The following LRRC4C variants were observed in gnomAD, a reference collection of about 807,000 sequenced individuals.
The protein encoded by LRRC4C is leucine rich repeat containing 4C, also known as leucine-rich repeat-containing protein 4C.
Under a neutral mutation model 33.6 loss-of-function variants are expected in LRRC4C, and 5 were observed. The ratio of observed to expected loss-of-function variants is 0.15; its 90% CI spans 0.08 to 0.31. The LOEUF (loss-of-function observed/expected upper bound fraction) is 0.31, where lower values mean the gene tolerates loss of function less well. Ranked by LOEUF, LRRC4C falls within the 10% of genes least tolerant of loss-of-function variation. The pLI is 1.00. For synonymous variants in LRRC4C, 329 were observed against 302.0 expected, an observed-to-expected ratio of 1.09 and a Z score of -0.93; for missense variants, 560 against 796.7, an observed-to-expected ratio of 0.70 and a Z score of 3.58.
intron 1 of LRRC4C, among the ~76,000 whole-genome samples, chr11:41,408,829 C>A (rs982127931): frequency 7.9e-5 from 12 of 151,158 alleles, no homozygotes; most frequent in African/African-American, 2.9e-4. Flanking sequence ...AGTGAAAGAG[C>A]CAAGATTCCA....
At chr11:40,302,531 T>C (rs1944823761) in intron 4 of LRRC4C, among the ~76,000 whole-genome samples, 1 of 152,168 alleles carries the variant, frequency 6.6e-6, no homozygotes, top group African/African-American at 2.4e-5. Context: ...CCTTCTTTTC[T>C]GTCTTTTTTT....
intron 2 of LRRC4C, among the ~76,000 whole-genome samples, chr11:40,681,160 T>G (rs554408012): frequency 8.5e-5 from 13 of 152,132 alleles, no homozygotes; most frequent in Non-Finnish European, 1.0e-4. Flanking sequence ...AGAGGTAATA[T>G]AAACATTTAA....
At chr11:40,178,548 C>T (rs1047512787) in intron 5 of LRRC4C, among the ~76,000 whole-genome samples, 2 of 152,224 alleles carry the variant, frequency 1.3e-5, no homozygotes, top group African/African-American at 4.8e-5. Flanking sequence ...TTATGGCCTT[C>T]TGAAATATCA....
intron 2 of LRRC4C, among the ~76,000 whole-genome samples, chr11:40,817,937 C>T (rs939372413): frequency 4.6e-5 from 7 of 152,060 alleles, no homozygotes; most frequent in Non-Finnish European, 1.0e-4. Context: ...TAAATCATGT[C>T]AGCAATTCAC....
At chr11:40,184,384 CTT>C (rs1861245655) in intron 5 of LRRC4C, among the ~76,000 whole-genome samples, 1 of 152,086 alleles carries the variant, frequency 6.6e-6, no homozygotes, top group South Asian at 2.1e-4. Context: ...CAAATTGTCT[CTT>C]TTGAGCGGAT....
chr11:40,554,152 G>C (rs890850660), intron 3 of LRRC4C, among the ~76,000 whole-genome samples: 11 of 152,070 alleles, frequency 7.2e-5, no homozygotes, highest in Non-Finnish European at 1.5e-4. Context: ...TCAATCTTTT[G>C]CATATGGTTA....
chr11:40,371,920 G>A (rs1333863717), intron 3 of LRRC4C, among the ~76,000 whole-genome samples: 1 of 152,172 alleles, frequency 6.6e-6, no homozygotes, highest in Non-Finnish European at 1.5e-5. Flanking sequence ...TAGGTAGATA[G>A]GGCAGGAGCG....
chr11:40,255,256 A>G lies in LRRC4C; in HGVS notation c.-175-13658T>C, dbSNP rs148273095. Among the ~76,000 whole-genome samples, 145 of 152,232 alleles carry G rather than the reference A, an allele frequency of 9.5e-4. 1 individual carries two copies. Among genetic ancestry groups the G allele is most frequent in the East Asian group, 2.1e-3 (11 of 5,156 alleles). On this transcript the variant is annotated intron_variant, in intron 4 of 6. Transcript: ENST00000528697. ...TGACACCTGAGCCCAACCCCGACGC[A>G]GTCTGGGATGTGCCACAAAGCCACC... is the stretch of plus-strand genomic sequence containing the variant.
rs1019270992 is a variant in LRRC4C, at chr11:41,051,158, T to C, written c.-495-117435A>G. Among the ~76,000 whole-genome samples the C allele has an allele frequency of 2.0e-5, 3 of 152,180 alleles. No homozygotes were observed. In the South Asian group the frequency reaches 6.2e-4, roughly 32 times the overall value. On this transcript the variant is annotated intron_variant, in intron 1 of 6. Coordinates refer to ENST00000528697, the MANE Select transcript of LRRC4C (RefSeq NM_001258419.2). ...GGTTTCACAAGTTTGTAAATATCTA[T>C]GTTCTTAATTCCAAAAGCTCTCTGC... is the stretch of plus-strand genomic sequence containing the variant.
At chr11:40,229,795 T>C (rs1046789860) in intron 5 of LRRC4C, among the ~76,000 whole-genome samples, 2 of 152,172 alleles carry the variant, frequency 1.3e-5, no homozygotes, top group East Asian at 3.8e-4. Context: ...CCACATACTG[T>C]AGACCTGATA....
intron 2 of LRRC4C, among the ~76,000 whole-genome samples, chr11:40,816,224 G>A (rs1475635809): frequency 6.6e-6 from 1 of 152,196 alleles, no homozygotes; most frequent in Non-Finnish European, 1.5e-5. Context: ...TAGGCCACTA[G>A]AGGTTATCAG....
chr11:41,263,441 GC>G (rs978228050), intron 1 of LRRC4C, among the ~76,000 whole-genome samples: 1 of 152,056 alleles, frequency 6.6e-6, no homozygotes, highest in African/African-American at 2.4e-5. Flanking sequence ...TTCTGTAAAA[GC>G]CCTCTATTAA....
At chr11:40,977,940 A>T (rs935893858) in intron 1 of LRRC4C, among the ~76,000 whole-genome samples, 85 of 152,298 alleles carry the variant, frequency 5.6e-4, no homozygotes, top group African/African-American at 1.8e-3. Context: ...CAGGAAAAAA[A>T]CGTACAGACA....
At chr11:40,320,288 G>A (rs1449669528) in intron 3 of LRRC4C, among the ~76,000 whole-genome samples, 1 of 152,080 alleles carries the variant, frequency 6.6e-6, no homozygotes, top group African/African-American at 2.4e-5. Flanking sequence ...GGTGGATCAC[G>A]AAGTCAGGAG....
intron 3 of LRRC4C, among the ~76,000 whole-genome samples, chr11:40,641,434 C>G (rs1434394073): frequency 6.6e-6 from 1 of 152,084 alleles, no homozygotes; most frequent in Non-Finnish European, 1.5e-5. Context: ...TAGCTCTAGG[C>G]ACTCATGAAA....
chr11:40,201,004 G>T (rs914589147), intron 5 of LRRC4C, among the ~76,000 whole-genome samples: 2 of 152,084 alleles, frequency 1.3e-5, no homozygotes, highest in African/African-American at 2.4e-5. Context: ...AAACCTTTAT[G>T]CAATAAGTTG....
chr11:40,836,624 A>G (rs1952681311), intron 2 of LRRC4C, among the ~76,000 whole-genome samples: 1 of 152,116 alleles, frequency 6.6e-6, no homozygotes, highest in South Asian at 2.1e-4. Flanking sequence ...CCTGTGTCCC[A>G]TAGGGTTTTG....
Position 40,114,455 on chromosome 11 carries a change from GTGT to G in LRRC4C, c.1835_1837del (p.Asn612del). 1 of 1,614,002 alleles carries G rather than the reference GTGT, an allele frequency of 6.2e-7. No homozygotes were observed. Among genetic ancestry groups the G allele is most frequent in the Non-Finnish European group, 8.5e-7 (1 of 1,179,990 alleles). On this transcript the variant is annotated inframe_deletion, in exon 7 of 7. Coordinates refer to ENST00000528697, the MANE Select transcript of LRRC4C (RefSeq NM_001258419.2). Reference sequence around the variant, plus strand: ...CACTGAACTGTGTATTGAATTTATTGTGTTAACTGTTGTTGTGTGGTTGAAGGG... The same window carrying G: ...CACTGAACTGTGTATTGAATTTATTGTAACTGTTGTTGTGTGGTTGAAGGG...
At chr11:40,710,425 A>G (rs949056954) in intron 2 of LRRC4C, among the ~76,000 whole-genome samples, 1 of 152,080 alleles carries the variant, frequency 6.6e-6, no homozygotes, top group Non-Finnish European at 1.5e-5. Flanking sequence ...TCTGTTTGTT[A>G]GTTTTCCTTC....
Sources: gnomAD v4.1 joint callset for allele counts (sites outside exome capture counted in the v4.1 genomes callset) on GRCh38, gnomAD v4.1.1 for gene constraint, MANE v1.5 for transcripts, NCBI Gene and HGNC (gene_info 2026-07-23, HGNC 2026-07-21) for gene names.